The following UMAD1 variants were observed in gnomAD, a reference collection of about 807,000 sequenced individuals.
UMAD1 encodes UBAP1-MVB12-associated (UMA)-domain containing protein 1.
UMAD1 carries 8 observed loss-of-function variants against 6.1 expected under a neutral mutation model. The observed-to-expected ratio is 1.30, with a 90% confidence interval of 0.76 to 2.35. The LOEUF (loss-of-function observed/expected upper bound fraction) is 2.35. UMAD1 is among the 30% of genes most tolerant of loss of function. The pLI, the probability that UMAD1 is intolerant of heterozygous loss-of-function variation, is 0.00. For missense variants in UMAD1, 130 were observed against 78.4 expected (o/e 1.66, Z -2.49); for synonymous variants, 56 against 31.4 (o/e 1.78, Z -2.61).
intron 1 of UMAD1, among the ~76,000 whole-genome samples, chr7:7,648,217 G>A: frequency 6.6e-6 from 1 of 152,156 alleles, no homozygotes; most frequent in Non-Finnish European, 1.5e-5. Flanking sequence ...ATGTATGGGG[G>A]ATGGATTCCT....
At position 7,652,380 on chromosome 7, in the gene UMAD1, A is replaced by G. The variant is rs927128086; in HGVS notation, c.-64+11559A>G. On this transcript the variant is annotated intron_variant, in intron 1 of 3. Transcript: ENST00000682710. Reference sequence around the variant, plus strand: ...TTTTCAGTTGATATAGTTATTACCAATTTTTTTAGTGTGTTTCTTTACATA... The same window carrying G: ...TTTTCAGTTGATATAGTTATTACCAGTTTTTTTAGTGTGTTTCTTTACATA... 2.6e-5 allele frequency among the ~76,000 whole-genome samples: 4 copies of G among 152,118 alleles called. No individual in the cohort carries two copies. The East Asian group carries it at 7.7e-4, about 29-fold the overall frequency.
At chr7:7,658,785 A>G (rs190522775) in intron 1 of UMAD1, among the ~76,000 whole-genome samples, 7 of 151,584 alleles carry the variant, frequency 4.6e-5, no homozygotes, top group African/African-American at 1.4e-4. Context: ...TTTTTGTTGT[A>G]TCTCTGCCTG....
At chr7:7,702,385 C>T (rs1032114988) in intron 2 of UMAD1, among the ~76,000 whole-genome samples, 3 of 152,014 alleles carry the variant, frequency 2.0e-5, no homozygotes, top group Non-Finnish European at 4.4e-5. Flanking sequence ...TTTATTATCT[C>T]TTATTTTTTA....
chr7:7,703,679 G>A (rs957740273), intron 2 of UMAD1, among the ~76,000 whole-genome samples: 5 of 152,080 alleles, frequency 3.3e-5, no homozygotes, highest in Non-Finnish European at 5.9e-5. Flanking sequence ...ATTATGAAAC[G>A]CAGACATCTC....
chr7:7,683,627 T>A (rs1348853300), intron 2 of UMAD1, among the ~76,000 whole-genome samples: 1 of 150,340 alleles, frequency 6.7e-6, no homozygotes, highest in African/African-American at 2.4e-5. Context: ...TTTCTTTTCC[T>A]TTTCTTTTTT....
At chr7:7,797,691 A>AT (rs35249714) in intron 2 of UMAD1, among the ~76,000 whole-genome samples, 22,690 of 141,992 alleles carry the variant, frequency 0.16, 1,763 homozygotes, top group Middle Eastern at 0.24. Flanking sequence ...ATCATCCAAC[A>AT]TTTTTTTTTT....
At chr7:7,856,388 T>C (rs1385027178) in intron 3 of UMAD1, among the ~76,000 whole-genome samples, 1 of 152,064 alleles carries the variant, frequency 6.6e-6, no homozygotes. Context: ...AGAGAATGAG[T>C]GCCAGCAGGG....
At chr7:7,690,764 C>A (rs943475607) in intron 2 of UMAD1, among the ~76,000 whole-genome samples, 19 of 152,086 alleles carry the variant, frequency 1.2e-4, no homozygotes, top group Non-Finnish European at 1.5e-5. Context: ...ATGGTATGAA[C>A]CAATTATAGT....
At chr7:7,811,012 A>T (rs973131089) in intron 3 of UMAD1, among the ~76,000 whole-genome samples, 3 of 152,166 alleles carry the variant, frequency 2.0e-5, no homozygotes, top group African/African-American at 7.2e-5. Context: ...TGGAAATCAC[A>T]TGGCCCAAAC....
intron 2 of UMAD1, among the ~76,000 whole-genome samples, chr7:7,687,544 C>T (rs2115132107): frequency 6.6e-6 from 1 of 152,302 alleles, no homozygotes; most frequent in East Asian, 1.9e-4. Flanking sequence ...GAAGGCCGAT[C>T]TATGCTTATA....
chr7:7,675,421 T>A (rs192951840), intron 2 of UMAD1, among the ~76,000 whole-genome samples: 80 of 152,282 alleles, frequency 5.3e-4, no homozygotes, highest in Non-Finnish European at 1.0e-3. Context: ...TAGCATGTAG[T>A]CCTGATGAGA....
chr7:7,832,568 A>G (rs549577862), intron 3 of UMAD1, among the ~76,000 whole-genome samples: 7 of 152,306 alleles, frequency 4.6e-5, no homozygotes, highest in Non-Finnish European at 7.4e-5. Flanking sequence ...CTAATCTCCT[A>G]AGTGAAAGGG....
intron 2 of UMAD1, among the ~76,000 whole-genome samples, chr7:7,757,046 G>A (rs1781792767): frequency 6.6e-6 from 1 of 152,154 alleles, no homozygotes; most frequent in Non-Finnish European, 1.5e-5. Context: ...ATGGGATTTT[G>A]CCTTTCTTTG....
At chr7:7,825,977 A>C (rs13247715) in intron 3 of UMAD1, among the ~76,000 whole-genome samples, 2,113 of 152,262 alleles carry the variant, frequency 0.014, 15 homozygotes, top group Non-Finnish European at 0.016. Flanking sequence ...ATTACTTGTA[A>C]AAGTTAATAT....
intron 1 of UMAD1, among the ~76,000 whole-genome samples, chr7:7,671,774 G>T (rs1015251249): frequency 2.0e-5 from 3 of 150,656 alleles, no homozygotes; most frequent in Non-Finnish European, 2.9e-5. Flanking sequence ...ATCTCTCCTT[G>T]CTCTCTATAG....
At chr7:7,869,237 A>AAGAAGCTGAT (rs1784291943) in intron 3 of UMAD1, among the ~76,000 whole-genome samples, 1 of 151,820 alleles carries the variant, frequency 6.6e-6, no homozygotes, top group African/African-American at 2.4e-5. Context: ...CTCACCCCAC[A>AAGAAGCTGAT]GTAATGCAAG....
intron 1 of UMAD1, among the ~76,000 whole-genome samples, chr7:7,644,146 T>G (rs1785041058): frequency 6.6e-6 from 1 of 152,224 alleles, no homozygotes; most frequent in Non-Finnish European, 1.5e-5. Flanking sequence ...TGAAGTGTTT[T>G]TTTGTCGTGA....
At chr7:7,735,787 T>G (rs1473106782) in intron 2 of UMAD1, 1 of 152,248 alleles carries the variant, frequency 6.6e-6, no homozygotes, top group African/African-American at 2.4e-5. Context: ...CCCAATAGTT[T>G]TAGTTTCCCC....
chr7:7,660,884 C>T (rs987670064), intron 1 of UMAD1, among the ~76,000 whole-genome samples: 1 of 152,184 alleles, frequency 6.6e-6, no homozygotes, highest in Non-Finnish European at 1.5e-5. Context: ...TGGATAATAT[C>T]CTGAAGAGTG....
Sources: allele counts gnomAD v4.1 joint callset (sites outside exome capture counted in the v4.1 genomes callset), GRCh38; gene constraint gnomAD v4.1.1; transcripts MANE v1.5; gene names NCBI Gene and HGNC (gene_info 2026-07-23, HGNC 2026-07-21).